ZNF492: variants seen among roughly 807,000 people sequenced by gnomAD.
ZNF492 encodes zinc finger protein 115 (Y20).
A neutral mutation model predicts 6.4 loss-of-function variants in ZNF492; 3 were observed. The ratio of observed to expected loss-of-function variants is 0.47; its 90% CI spans 0.21 to 1.22. The LOEUF (loss-of-function observed/expected upper bound fraction) is 1.22, where lower values mean the gene tolerates loss of function less well. Among genes scored for constraint, ZNF492 ranks in the 50% most tolerant of loss-of-function variants. ZNF492 has a pLI of 0.22. For synonymous variants in ZNF492, 112 were observed against 205.3 expected (o/e 0.55, Z 3.89); for missense variants, 356 against 612.5 (o/e 0.58, Z 4.42).
intron 1 of ZNF492, among the ~76,000 whole-genome samples, chr19:22,637,090 G>A (rs1971776436): frequency 1.3e-5 from 2 of 150,458 alleles, no homozygotes; most frequent in African/African-American, 4.9e-5. Flanking sequence ...CAAGTAGCTG[G>A]GATTACAGGC....
intron 1 of ZNF492, among the ~76,000 whole-genome samples, chr19:22,636,514 CTGTGTGTGTGTGTGTG>C (rs141601969): frequency 1.4e-5 from 2 of 147,210 alleles, no homozygotes; most frequent in Non-Finnish European, 3.0e-5. Context: ...ACATGATCTT[CTGTGTGTGTGTGTGTG>C]TGTGTGTGTG....
intron 1 of ZNF492, 113 bp from the exon 2 acceptor site, chr19:22,653,194 C>T (rs1175010794): frequency 8.6e-7 from 1 of 1,167,750 alleles, no homozygotes; most frequent in Admixed American, 2.5e-5. Context: ...ATATATCAGT[C>T]ACTCCTATAA....
intron 1 of ZNF492, among the ~76,000 whole-genome samples, chr19:22,647,542 G>A (rs148294410): frequency 0.04 from 6,060 of 151,512 alleles, 161 homozygotes; most frequent in Middle Eastern, 0.065. Context: ...GGGATTACAG[G>A]GGTGAGCCAC....
chr19:22,656,833 G>A (rs547006572), intron 3 of ZNF492, among the ~76,000 whole-genome samples: 18 of 152,156 alleles, frequency 1.2e-4, no homozygotes, highest in South Asian at 2.1e-4. Flanking sequence ...AGCTCCCTCC[G>A]TAGATCTCAA....
chr19:22,639,539 C>G (rs7246932), intron 1 of ZNF492, among the ~76,000 whole-genome samples: 29,230 of 151,324 alleles, frequency 0.19, 3,681 homozygotes, highest in African/African-American at 0.36. Context: ...GGAGAAACCC[C>G]GTCTCTACTA....
intron 1 of ZNF492, among the ~76,000 whole-genome samples, chr19:22,635,491 T>A (rs1971751753): frequency 6.6e-6 from 1 of 152,260 alleles, no homozygotes; most frequent in South Asian, 2.1e-4. Context: ...ATGGCATATT[T>A]AAAAAGATAT....
intron 1 of ZNF492, among the ~76,000 whole-genome samples, chr19:22,639,837 CT>C (rs979590038): frequency 1.9e-3 from 272 of 144,912 alleles, no homozygotes; most frequent in East Asian, 0.011. Context: ...GTTTGTATGC[CT>C]TTTTTTTTTT....
In ZNF492 at chr19:22,636,641, A is replaced by AT. The variant is rs955400131; in HGVS notation, c.-94+2177dup. 1.2e-4 allele frequency among the ~76,000 whole-genome samples: 17 copies of AT among 143,016 alleles called. No homozygotes were observed. The South Asian group carries it at 1.3e-3, about 11-fold the overall frequency. The allele number at this position is 143,016 out of a possible 152,430, so 93.8% of individuals were successfully genotyped here. A position where few individuals can be genotyped will look rare whatever the true frequency, so the allele number is the denominator to read the frequency against. The stretch of plus-strand genomic sequence containing the variant: ...TTTATTTATTTATTTTTATTTTATT[A>AT]TTTTTTTTTTGAGATGGAGTTTTGC... On this transcript the variant is annotated intron_variant, in intron 1 of 3. Transcript: ENST00000456783.
chr19:22,652,332 A>G (rs1354619594), intron 1 of ZNF492, among the ~76,000 whole-genome samples: 2 of 127,090 alleles, frequency 1.6e-5, no homozygotes, highest in East Asian at 4.6e-4. Context: ...GGTTCACGCC[A>G]TTCTCCTGCC....
At position 22,666,029 on chromosome 19, in the gene ZNF492, T is replaced by C. The variant is rs1441384175; in HGVS notation, c.*764T>C. 1 of 148,812 alleles carries C rather than the reference T, an allele frequency of 6.7e-6. No homozygotes were observed. The highest frequency in any genetic ancestry group is 1.5e-5 in the Non-Finnish European group (1 of 67,520). 9.2% of individuals were successfully genotyped at this position (148,812 alleles called of 1,614,324 possible). ...ATTTTTTGGAGAGTTACAAGTATAC[T>C]TTTTTTTAGAAAGATTACAGATTTT... On this transcript the variant is annotated 3_prime_UTR_variant, in exon 4 of 4. Coordinates refer to ENST00000456783, the MANE Select transcript of ZNF492 (RefSeq NM_020855.3).
intron 1 of ZNF492, among the ~76,000 whole-genome samples, chr19:22,637,380 T>G (rs1011554400): frequency 6.6e-6 from 1 of 151,896 alleles, no homozygotes; most frequent in African/African-American, 2.4e-5. Flanking sequence ...AGCCTTAACC[T>G]CCCAGGCTCA....
In ZNF492 at chr19:22,652,589, T is replaced by G. The variant is rs1971951437; in HGVS notation, c.-93-718T>G. Among the ~76,000 whole-genome samples, 7 of 151,396 alleles carry G rather than the reference T, an allele frequency of 4.6e-5. No homozygotes were observed. The South Asian group carries it at 1.5e-3, about 31-fold the overall frequency. ...TTATTCCAAATTTTCTTTTCTTTTT[T>G]TTTTTTTTGAGACGGAGTCTCGCTC... On this transcript the variant is annotated intron_variant, in intron 1 of 3. Transcript: ENST00000456783.
chr19:22,647,379 C>T (rs1452241619), intron 1 of ZNF492, among the ~76,000 whole-genome samples: 1 of 149,690 alleles, frequency 6.7e-6, no homozygotes, highest in Non-Finnish European at 1.5e-5. Flanking sequence ...GCCCCAGCAT[C>T]CCAAGTAGCC....
At chr19:22,641,127 TTTC>T (rs1245156725) in intron 1 of ZNF492, among the ~76,000 whole-genome samples, 4 of 152,216 alleles carry the variant, frequency 2.6e-5, no homozygotes, top group Admixed American at 6.5e-5. Flanking sequence ...ATTTTGGTTA[TTTC>T]TTCTGCTAGC....
intron 3 of ZNF492, among the ~76,000 whole-genome samples, chr19:22,660,254 A>G (rs1219376925): frequency 8.5e-5 from 13 of 152,122 alleles, no homozygotes; most frequent in Non-Finnish European, 1.5e-4. Flanking sequence ...AGTTAATTTT[A>G]TATATACATT....
chr19:22,653,540 G>T (rs1180401169), intron 2 of ZNF492, 107 bp downstream of exon 2: 934 of 1,433,134 alleles, frequency 6.5e-4, no homozygotes, highest in Admixed American at 7.9e-4. Flanking sequence ...TCTGTTTTTT[G>T]TTTTTAACTT....
chr19:22,660,166 T>A (rs558998053), intron 3 of ZNF492, among the ~76,000 whole-genome samples: 86 of 145,896 alleles, frequency 5.9e-4, no homozygotes, highest in African/African-American at 1.9e-3. Context: ...ATTAGATCTC[T>A]ACTGACTCTT....
At chr19:22,640,326 T>C (rs1359199071) in intron 1 of ZNF492, among the ~76,000 whole-genome samples, 1 of 152,138 alleles carries the variant, frequency 6.6e-6, no homozygotes, top group Non-Finnish European at 1.5e-5. Flanking sequence ...CACGCTCGGC[T>C]AATTTTTGTA....
rs1240928117 is a variant in ZNF492, at chr19:22,665,644, A to G, written c.*379A>G. Reference sequence around the variant, plus strand: ...TTACTTGTAACACAGATCTTGTTGTATTCATTCTGTATTAGAGCAAACCCT... The same window carrying G: ...TTACTTGTAACACAGATCTTGTTGTGTTCATTCTGTATTAGAGCAAACCCT... On this transcript the variant is annotated 3_prime_UTR_variant, in exon 4 of 4. Coordinates refer to ENST00000456783, the MANE Select transcript of ZNF492 (RefSeq NM_020855.3). The G allele has an allele frequency of 4.9e-6, 1 of 202,384 alleles. No individual in the cohort carries two copies. The highest frequency in any genetic ancestry group is 2.4e-5 in the African/African-American group (1 of 42,034). 12.5% of individuals were successfully genotyped at this position (202,384 alleles called of 1,614,324 possible).
Sources: allele counts gnomAD v4.1 joint callset (sites outside exome capture counted in the v4.1 genomes callset), GRCh38; gene constraint gnomAD v4.1.1; transcripts MANE v1.5; gene names NCBI Gene and HGNC (gene_info 2026-07-23, HGNC 2026-07-21).